Variants in HCK observed in about 807,000 individuals in gnomAD.
HCK encodes the protein tyrosine-protein kinase HCK.
In HCK, 40 loss-of-function variants were observed where a neutral mutation model predicts 70.4. The ratio of observed to expected loss-of-function variants is 0.57; its 90% confidence interval spans 0.44 to 0.74. The LOEUF (loss-of-function observed/expected upper bound fraction) is 0.74, where lower values mean the gene tolerates loss of function less well. HCK is among the 30% of genes least tolerant of loss of function. The pLI is 0.00. For synonymous variants in HCK, 245 were observed against 263.2 expected, an observed-to-expected ratio of 0.93 and a Z score of 0.67; for missense variants, 568 against 697.2, an observed-to-expected ratio of 0.81 and a Z score of 2.09.
At chr20:32,056,472 A>C (rs2045273932) in intron 1 of HCK, among the ~76,000 whole-genome samples, 2 of 151,776 alleles carry the variant, frequency 1.3e-5, no homozygotes, top group Admixed American at 1.3e-4. Context: ...GCCGAGATCG[A>C]GCCACTGCAC....
chr20:32,091,631 C>A (rs1032187635), intron 10 of HCK, among the ~76,000 whole-genome samples: 8 of 151,976 alleles, frequency 5.3e-5, no homozygotes, highest in Non-Finnish European at 1.5e-5. Flanking sequence ...ATTTCGTCCC[C>A]ACCCCCCACT....
Position 32,052,453 on chromosome 20 carries a change from C to T in HCK, c.29C>T (p.Pro10Leu), listed in dbSNP as rs1258177173. ...GGGGGGCGCTCAAGCTGCGAGGATCCGGGCTGCCCGCGAGACGAGGAGCGG... is the reference window on the plus strand; with the variant it reads ...GGGGGGCGCTCAAGCTGCGAGGATCTGGGCTGCCCGCGAGACGAGGAGCGG... Residue 10 changes from proline to leucine, a missense_variant, in exon 1 of 13, where the codon CCG becomes CTG. By Grantham distance (98) the Pro-to-Leu change is moderately conservative. Transcript: ENST00000375852. 5 of 1,268,906 alleles carry T rather than the reference C, an allele frequency of 3.9e-6. No individual in the cohort carries two copies. Among genetic ancestry groups the T allele is most frequent in the African/African-American group, 1.5e-5 (1 of 64,556 alleles). The allele number at this position is 1,268,906 out of a possible 1,614,324, so 78.6% of individuals were successfully genotyped here.
At position 32,064,455 on chromosome 20, in the gene HCK, G is replaced by A. The variant is rs570816340; in HGVS notation, c.63-7207G>A. 6.6e-5 allele frequency among the ~76,000 whole-genome samples: 10 copies of A among 152,310 alleles called. No individual in the cohort carries two copies. The South Asian group carries it at 2.1e-3, about 32-fold the overall frequency. On this transcript the variant is annotated intron_variant, in intron 1 of 12. Transcript: ENST00000375852. The stretch of plus-strand genomic sequence containing the variant: ...ATTGGAGAACTGTTGTTAGAAGAAG[G>A]GGGGAATGGATTCTATGCAGGAAAG...
Position 32,065,436 on chromosome 20 carries a change from T to G in HCK, c.63-6226T>G, listed in dbSNP as rs112254129. On this transcript the variant is annotated intron_variant, in intron 1 of 12. Transcript: ENST00000375852. ...CTCGTGGACTGGAAAAATCCTGAGG[T>G]GTATAGGCCTCAGGCATAGCTGGAT... Among the ~76,000 whole-genome samples the G allele has an allele frequency of 7.3e-3, 1,112 of 152,194 alleles. 19 individuals carry two copies. Among genetic ancestry groups the G allele is most frequent in the African/African-American group, 0.026 (1,061 of 41,520 alleles).
chr20:32,093,905 C>T lies in HCK; in HGVS notation c.1135C>T (p.His379Tyr). The stretch of plus-strand genomic sequence containing the variant: ...CTTCATCGAGCAGAGGAACTACATC[C>T]ACCGAGACCTCCGAGCTGCCAACAT... Residue 379 changes from histidine to tyrosine, a missense_variant, in exon 11 of 13, where the codon CAC (histidine) becomes TAC (tyrosine). Transcript: ENST00000375852. 6.2e-7 allele frequency: 1 copy of T among 1,613,998 alleles called. No individual in the cohort carries two copies.
At chr20:32,063,777 G>A (rs2045414499) in intron 1 of HCK, among the ~76,000 whole-genome samples, 1 of 151,524 alleles carries the variant, frequency 6.6e-6, no homozygotes, top group South Asian at 2.1e-4. Context: ...ATGTTTAAAG[G>A]GAAATAAATC....
intron 1 of HCK, among the ~76,000 whole-genome samples, chr20:32,065,817 C>A (rs919706583): frequency 6.6e-6 from 1 of 152,156 alleles, no homozygotes; most frequent in African/African-American, 2.4e-5. Flanking sequence ...ACTTCATGCA[C>A]TAAGTGGGAG....
intron 1 of HCK, among the ~76,000 whole-genome samples, chr20:32,056,208 G>A (rs754573109): frequency 2.8e-4 from 43 of 152,158 alleles, no homozygotes; most frequent in Non-Finnish European, 4.9e-4. Flanking sequence ...GAGTTACTGG[G>A]TCATATAAAA....
At chr20:32,091,533 T>C (rs2045863431) in intron 10 of HCK, among the ~76,000 whole-genome samples, 1 of 152,194 alleles carries the variant, frequency 6.6e-6, no homozygotes, top group African/African-American at 2.4e-5. Context: ...ATCATAACTT[T>C]TGTTAACTGT....
intron 10 of HCK, among the ~76,000 whole-genome samples, chr20:32,093,500 T>TGTGTGG (rs1405258053): frequency 6.6e-6 from 1 of 151,140 alleles, no homozygotes; most frequent in Non-Finnish European, 1.5e-5. Flanking sequence ...CGTGTGTGTG[T>TGTGTGG]GTGTGTGTGT....
chr20:32,088,980 T>G (rs973588422), intron 10 of HCK, among the ~76,000 whole-genome samples: 1 of 152,190 alleles, frequency 6.6e-6, no homozygotes, highest in Non-Finnish European at 1.5e-5. Context: ...CTCGTCATGG[T>G]AAAGTGAGGT....
intron 9 of HCK, among the ~76,000 whole-genome samples, chr20:32,087,446 T>G (rs2045804805): frequency 6.6e-6 from 1 of 151,434 alleles, no homozygotes; most frequent in African/African-American, 2.4e-5. Context: ...GCCACCACAC[T>G]CAGCTAATTT....
intron 1 of HCK, among the ~76,000 whole-genome samples, chr20:32,064,575 C>T (rs1432723549): frequency 6.6e-6 from 1 of 152,232 alleles, no homozygotes; most frequent in African/African-American, 2.4e-5. Context: ...ACTTGCCTAA[C>T]ATCACACAAT....
At chr20:32,097,899 A>T (rs149047829) in intron 11 of HCK, among the ~76,000 whole-genome samples, 1 of 152,114 alleles carries the variant, frequency 6.6e-6, no homozygotes, top group Non-Finnish European at 1.5e-5. Context: ...TAACTATGCC[A>T]GGTGCGGTGG....
At position 32,052,256 on chromosome 20, in the gene HCK, C is replaced by G; in HGVS notation, c.-169C>G. 1 of 488,054 alleles carries G rather than the reference C, an allele frequency of 2.0e-6. No homozygotes were observed. The highest frequency in any genetic ancestry group is 3.5e-5 in the East Asian group (1 of 28,322). 30.2% of individuals were successfully genotyped at this position (488,054 alleles called of 1,614,324 possible). ...CTGCGGGCGCCACCACGTCCCTGGT[C>G]CCAGCTCGGGAGCACATCAGAGGCT... On this transcript the variant is annotated 5_prime_UTR_variant, in exon 1 of 13. Transcript: ENST00000375852.
At chr20:32,099,965 T>C (rs2046011203) in intron 12 of HCK, among the ~76,000 whole-genome samples, 1 of 151,624 alleles carries the variant, frequency 6.6e-6, no homozygotes, top group African/African-American at 2.4e-5. Context: ...AGTGGTGTAA[T>C]CATAGCTCAT....
At chr20:32,074,555 G>C in intron 4 of HCK, 68 bp from the exon 5 acceptor site, 1 of 1,176,262 alleles carries the variant, frequency 8.5e-7, no homozygotes, top group Admixed American at 1.7e-5. Context: ...GGTCAAGGCT[G>C]GGGAGCTTGA....
intron 1 of HCK, 138 bp from the exon 2 acceptor site, chr20:32,071,524 G>C (rs2045537829): frequency 1.9e-6 from 2 of 1,045,006 alleles, no homozygotes; most frequent in Non-Finnish European, 2.8e-6. Context: ...AGGGTGCATG[G>C]AGCTGGCAGG....
At chr20:32,079,168 C>A (rs780858491) in intron 5 of HCK, among the ~76,000 whole-genome samples, 1 of 152,200 alleles carries the variant, frequency 6.6e-6, no homozygotes, top group Non-Finnish European at 1.5e-5. Context: ...AAGAAAATGT[C>A]CCAGGATATA....
Sources: allele counts gnomAD v4.1 joint callset (sites outside exome capture counted in the v4.1 genomes callset), GRCh38; gene constraint gnomAD v4.1.1; transcripts MANE v1.5; gene names NCBI Gene and HGNC (gene_info 2026-07-23, HGNC 2026-07-21).